Variants in EPS8 observed in about 807,000 individuals in gnomAD.
EPS8 encodes the protein epidermal growth factor receptor kinase substrate 8.
A neutral mutation model predicts 103.8 loss-of-function variants in EPS8; 42 were observed. The observed-to-expected ratio is 0.40, with a 90% CI of 0.32 to 0.52. The LOEUF is 0.52. EPS8 is among the 20% of genes least tolerant of loss of function. The pLI, the probability that EPS8 is intolerant of heterozygous loss-of-function variation, is 0.40. For missense variants in EPS8, 969 were observed against 1,005.1 expected (o/e 0.96, Z 0.49); for synonymous variants, 344 against 344.6 (o/e 1.00, Z 0.02).
rs1288329483 is a variant in EPS8, at chr12:15,623,305, A to T, written c.2226-18T>A. 5 of 1,566,434 alleles carry T rather than the reference A, an allele frequency of 3.2e-6. No individual in the cohort carries two copies. The African/African-American group carries it at 5.6e-5, about 18-fold the overall frequency. On this transcript the variant is annotated intron_variant, in intron 19 of 20. Coordinates refer to ENST00000281172, the MANE Select transcript of EPS8 (RefSeq NM_004447.6). ...TGACAGTCCTAAAAAAAAAAAAAGG[A>T]AAAAGAAACTGAGCATTAAAAATAT...
chr12:15,658,280 G>T, intron 11 of EPS8, 127 bp from the exon 12 acceptor site: 1 of 681,842 alleles, frequency 1.5e-6, no homozygotes, highest in Non-Finnish European at 2.5e-6. Flanking sequence ...CTTTAGCATG[G>T]ATAGAGTGAG....
chr12:15,708,467 G>A (rs374876159), intron 1 of EPS8, among the ~76,000 whole-genome samples: 2 of 152,168 alleles, frequency 1.3e-5, no homozygotes, highest in African/African-American at 2.4e-5. Flanking sequence ...TGCAAGATGG[G>A]TTATCTGAAA....
At chr12:15,658,415 T>A (rs1337314513) in intron 11 of EPS8, 82 bp downstream of exon 11, 21 of 1,026,992 alleles carry the variant, frequency 2.0e-5, no homozygotes, top group Non-Finnish European at 2.9e-5. Flanking sequence ...TTTTATTTCT[T>A]AATTTAATCA....
At position 15,731,868 on chromosome 12, in the gene EPS8, TGTAGGCAA is replaced by T; in HGVS notation, c.-21-48904_-21-48897del. On this transcript the variant is annotated intron_variant, in intron 1 of 20. Transcript: ENST00000281172. The surrounding 1 kb of genome is among the most constrained non-coding windows in gnomAD (Gnocchi z 5.1). ...TAAAGTGTGTGTGTGCATGTGTGTG[TGTAGGCAA>T]AAGGAAGCTGGGTGGTTAATCACTA... Among the ~76,000 whole-genome samples, 1 of 152,324 alleles carries T rather than the reference TGTAGGCAA, an allele frequency of 6.6e-6. No homozygotes were observed. The highest frequency in any genetic ancestry group is 2.1e-4 in the South Asian group (1 of 4,830).
Position 15,621,276 on chromosome 12 carries a change from A to G in EPS8, c.*41T>C, listed in dbSNP as rs757100854. The G allele has an allele frequency of 9.4e-7, 1 of 1,062,966 alleles. No individual in the cohort carries two copies. The highest frequency in any genetic ancestry group is 1.5e-5 in the South Asian group (1 of 66,280). 65.8% of individuals were successfully genotyped at this position (1,062,966 alleles called of 1,614,324 possible). The stretch of plus-strand genomic sequence containing the variant: ...GCTTCTTAAAACAAAGCATGTTGGA[A>G]TAATGCCAAAAACAATGGAGTTTAA... On this transcript the variant is annotated 3_prime_UTR_variant, in exon 21 of 21. Transcript: ENST00000281172.
chr12:15,704,216 GTTC>G lies in EPS8; in HGVS notation c.-21-21247_-21-21245del, dbSNP rs903853981. 6.6e-6 allele frequency among the ~76,000 whole-genome samples: 1 copy of G among 152,052 alleles called. No individual in the cohort carries two copies. The highest frequency in any genetic ancestry group is 1.5e-5 in the Non-Finnish European group (1 of 68,010). ...CATAGAATTACTATATGATCCAGCA[GTTC>G]TTCTTCTGGGTGTATACCCAAAAGA... On this transcript the variant is annotated intron_variant, in intron 1 of 20. Transcript: ENST00000281172. This position sits in a 1 kb window ranked among gnomAD's most constrained non-coding sequence, Gnocchi z 4.6.
chr12:15,658,056 T>C, intron 12 of EPS8, 23 bp downstream of exon 12: 1 of 1,437,314 alleles, frequency 7.0e-7, no homozygotes, highest in Non-Finnish European at 9.8e-7. Flanking sequence ...GAACGATTCT[T>C]TCTTAAACTA....
chr12:15,786,917 G>A (rs753708946), intron 1 of EPS8, among the ~76,000 whole-genome samples: 13 of 151,972 alleles, frequency 8.6e-5, no homozygotes, highest in African/African-American at 1.9e-4. Context: ...TTTTTCCCCC[G>A]ACATACCTCT....
intron 1 of EPS8, among the ~76,000 whole-genome samples, chr12:15,750,404 T>A (rs190387568): frequency 5.4e-4 from 83 of 152,302 alleles, no homozygotes; most frequent in Admixed American, 1.1e-3. Context: ...CCTTTACATA[T>A]GTCTATCAAG....
At chr12:15,673,472 T>G (rs1051385342) in intron 3 of EPS8, among the ~76,000 whole-genome samples, 1 of 152,146 alleles carries the variant, frequency 6.6e-6, no homozygotes, top group Non-Finnish European at 1.5e-5. Flanking sequence ...CTGGTATAAA[T>G]AGTAATTAGG....
intron 3 of EPS8, among the ~76,000 whole-genome samples, chr12:15,678,674 C>T (rs1210883618): frequency 1.3e-5 from 2 of 152,108 alleles, no homozygotes; most frequent in Non-Finnish European, 2.9e-5. Context: ...TGGTCTCAAA[C>T]TCCTGACCTG....
At chr12:15,768,429 CAAAAAAAAAAAA>C (rs71042268) in intron 1 of EPS8, among the ~76,000 whole-genome samples, 3 of 24,858 alleles carry the variant, frequency 1.2e-4, no homozygotes, top group Non-Finnish European at 2.1e-4. Context: ...GACTCCATCT[CAAAAAAAAAAAA>C]AAAAAAAAAA....
intron 1 of EPS8, among the ~76,000 whole-genome samples, chr12:15,707,933 C>T (rs1364883525): frequency 6.6e-6 from 1 of 152,036 alleles, no homozygotes; most frequent in African/African-American, 2.4e-5. Context: ...TGTTTTCTTC[C>T]CCTTTTATGT....
Position 15,713,071 on chromosome 12 carries a change from C to G in EPS8, c.-21-30099G>C. On this transcript the variant is annotated intron_variant, in intron 1 of 20. Transcript: ENST00000281172. The surrounding 1 kb of genome is among the most constrained non-coding windows in gnomAD (Gnocchi z 4.8). ...TTCCTCCTCTTGTTAAGTAAGTAAA[C>G]ACAGCTACCACTACACTTCCAACTC... is the stretch of plus-strand genomic sequence containing the variant. The G allele has an allele frequency of 1.0e-5, 8 of 762,198 alleles. No homozygotes were observed. The highest frequency in any genetic ancestry group is 1.3e-5 in the Non-Finnish European group (8 of 626,118). The allele number at this position is 762,198 out of a possible 1,614,324, so 47.2% of individuals were successfully genotyped here. A position where few individuals can be genotyped will look rare whatever the true frequency, so the allele number is the denominator to read the frequency against.
chr12:15,623,345 G>C, intron 19 of EPS8, 58 bp from the exon 20 acceptor site: 1 of 1,493,426 alleles, frequency 6.7e-7, no homozygotes, highest in Non-Finnish European at 9.1e-7. Flanking sequence ...TACAAACAAA[G>C]GAGAAAATTA....
rs1946235383 is a variant in EPS8 at position 15,695,806 on chromosome 12, C to T, written c.-21-12834G>A. ...CCTGGCCAAAATGGCGAAACCCCAT[C>T]TCTACCAAAAATATAAAAATCAGCC... On this transcript the variant is annotated intron_variant, in intron 1 of 20. Coordinates refer to ENST00000281172, the MANE Select transcript of EPS8 (RefSeq NM_004447.6). This position sits in a 1 kb window ranked among gnomAD's most constrained non-coding sequence, Gnocchi z 5.0. Among the ~76,000 whole-genome samples the T allele has an allele frequency of 1.3e-5, 2 of 152,128 alleles. No individual in the cohort carries two copies. Among genetic ancestry groups the T allele is most frequent in the Non-Finnish European group, 2.9e-5 (2 of 68,000 alleles).
chr12:15,702,595 T>A lies in EPS8; in HGVS notation c.-21-19623A>T, dbSNP rs1168833292. On this transcript the variant is annotated intron_variant, in intron 1 of 20. Transcript: ENST00000281172. This position sits in a 1 kb window ranked among gnomAD's most constrained non-coding sequence, Gnocchi z 5.1. Reference sequence around the variant, plus strand: ...AAAAAAAATGCATGCTTAATGTTTTTACCTATCTCTAAAACATATATCCAG... The same window carrying A: ...AAAAAAAATGCATGCTTAATGTTTTAACCTATCTCTAAAACATATATCCAG... Among the ~76,000 whole-genome samples the A allele has an allele frequency of 6.6e-6, 1 of 152,136 alleles. No individual in the cohort carries two copies. The highest frequency in any genetic ancestry group is 1.5e-5 in the Non-Finnish European group (1 of 68,032).
chr12:15,770,193 A>T (rs1947138755), intron 1 of EPS8, among the ~76,000 whole-genome samples: 1 of 148,424 alleles, frequency 6.7e-6, no homozygotes, highest in African/African-American at 2.5e-5. Flanking sequence ...CCCACCCATG[A>T]CTTAAGGATC....
rs57314041 is a variant in EPS8 at position 15,745,573 on chromosome 12, A to AT, written c.-22+43587dup. On this transcript the variant is annotated intron_variant, in intron 1 of 20. Transcript: ENST00000281172. The surrounding 1 kb of genome is among the most constrained non-coding windows in gnomAD (Gnocchi z 4.6). Reference sequence around the variant, plus strand: ...ACTATGTATCCAAAAAAAAAAAAAAATTCTTTAAACCACAGAAAAAGAAAT... The same window carrying AT: ...ACTATGTATCCAAAAAAAAAAAAAAATTTCTTTAAACCACAGAAAAAGAAAT... 3.3e-5 allele frequency among the ~76,000 whole-genome samples: 5 copies of AT among 151,526 alleles called. No individual in the cohort carries two copies. Among genetic ancestry groups the AT allele is most frequent in the African/African-American group, 1.2e-4 (5 of 41,186 alleles).
Sources: gnomAD v4.1 joint callset for allele counts (sites outside exome capture counted in the v4.1 genomes callset) on GRCh38, gnomAD v4.1.1 for gene constraint, Gnocchi (gnomAD v3.1) non-coding constraint, MANE v1.5 for transcripts, NCBI Gene and HGNC (gene_info 2026-07-23, HGNC 2026-07-21) for gene names.